Variants in CAP2 observed in about 807,000 individuals in gnomAD.
The protein encoded by CAP2 is adenylyl cyclase-associated protein 2.
A neutral mutation model predicts 57.7 loss-of-function variants in CAP2; 24 were observed. The ratio of observed to expected loss-of-function variants is 0.42; its 90% CI spans 0.30 to 0.58. CAP2 has a LOEUF of 0.58. Among genes scored for constraint, CAP2 ranks in the 20% least tolerant of loss-of-function variants. The pLI is 0.22. For missense variants in CAP2, 501 were observed against 590.3 expected (o/e 0.85, Z 1.57); for synonymous variants, 194 against 207.2 (o/e 0.94, Z 0.55).
chr6:17,546,872 G>C (rs1050601249), intron 11 of CAP2, among the ~76,000 whole-genome samples: 9 of 152,160 alleles, frequency 5.9e-5, no homozygotes, highest in Non-Finnish European at 1.3e-4. Context: ...ATTCAATTAG[G>C]AAAAGAGGAA....
chr6:17,507,504 C>A, intron 5 of CAP2, 137 bp from the exon 6 acceptor site: 2 of 791,972 alleles, frequency 2.5e-6, no homozygotes, highest in Non-Finnish European at 2.1e-6. Flanking sequence ...GTGTTTTTAT[C>A]AACCTTTACA....
chr6:17,500,133 C>T lies in CAP2; in HGVS notation c.301-7036C>T, dbSNP rs543556016. Among the ~76,000 whole-genome samples, 89 of 150,218 alleles carry T rather than the reference C, an allele frequency of 5.9e-4. 1 individual carries two copies. Among genetic ancestry groups the T allele is most frequent in the African/African-American group, 1.9e-3 (80 of 41,154 alleles). On this transcript the variant is annotated intron_variant, in intron 4 of 12. Transcript: ENST00000229922. ...TCTCCATGGACGTATTCTGAAATCT[C>T]CAAAATGTTCCTGGACAGTAAAAAA...
intron 3 of CAP2, among the ~76,000 whole-genome samples, chr6:17,435,985 G>A (rs1759870037): frequency 1.3e-5 from 2 of 152,146 alleles, no homozygotes; most frequent in South Asian, 4.1e-4. Flanking sequence ...CAGGGTCCTG[G>A]AAGGATACTC....
rs186958520 is a variant in CAP2, at chr6:17,543,394, G to T, written c.1209+251G>T. Among the ~76,000 whole-genome samples the T allele has an allele frequency of 4.6e-5, 7 of 152,172 alleles. No homozygotes were observed. In the East Asian group the frequency reaches 1.2e-3, roughly 25 times the overall value. ...GCACTTTGGGAGGCCGAGGTGGGCG[G>T]ATCACGAGGTCAGGAGATTGAGACC... is the stretch of plus-strand genomic sequence containing the variant. On this transcript the variant is annotated intron_variant, in intron 11 of 12. Transcript: ENST00000229922.
chr6:17,467,768 C>A (rs1386164710), intron 4 of CAP2, among the ~76,000 whole-genome samples: 2 of 152,152 alleles, frequency 1.3e-5, no homozygotes, highest in African/African-American at 4.8e-5. Flanking sequence ...CGTGATCCGC[C>A]CGCCTCGGCC....
chr6:17,529,544 G>A (rs1401428148), intron 7 of CAP2, among the ~76,000 whole-genome samples: 1 of 151,632 alleles, frequency 6.6e-6, no homozygotes, highest in Non-Finnish European at 1.5e-5. Flanking sequence ...AGGAGGCTGA[G>A]GCAGGAGAAT....
chr6:17,401,987 T>C (rs1277848828), intron 1 of CAP2, among the ~76,000 whole-genome samples: 2 of 152,184 alleles, frequency 1.3e-5, no homozygotes, highest in Non-Finnish European at 2.9e-5. Flanking sequence ...CTATATAATA[T>C]ATAATTGGGG....
chr6:17,549,440 G>A (rs1763122137), intron 11 of CAP2, among the ~76,000 whole-genome samples: 1 of 151,690 alleles, frequency 6.6e-6, no homozygotes, highest in African/African-American at 2.4e-5. Flanking sequence ...CTCCAGCCTG[G>A]GCAACAAGAG....
chr6:17,454,910 A>C (rs915045178), intron 3 of CAP2, among the ~76,000 whole-genome samples: 5 of 152,062 alleles, frequency 3.3e-5, no homozygotes, highest in African/African-American at 1.2e-4. Flanking sequence ...TTTTTTCTAG[A>C]CATTCATCCC....
At chr6:17,425,966 G>A (rs745408419) in intron 2 of CAP2, among the ~76,000 whole-genome samples, 7 of 151,796 alleles carry the variant, frequency 4.6e-5, no homozygotes, top group Non-Finnish European at 1.0e-4. Flanking sequence ...ACGGTGGCAC[G>A]CATCTATGGC....
At chr6:17,551,434 T>C (rs113536756) in intron 11 of CAP2, 30 bp from the exon 12 acceptor site, 14 of 1,555,698 alleles carry the variant, frequency 9.0e-6, no homozygotes, top group Non-Finnish European at 1.2e-5. Flanking sequence ...GTTTCTTTGC[T>C]TTGGTCCCAG....
intron 12 of CAP2, among the ~76,000 whole-genome samples, chr6:17,554,482 T>G (rs1278814018): frequency 2.6e-5 from 4 of 152,228 alleles, no homozygotes; most frequent in Admixed American, 1.3e-4. Context: ...GGTCCCGAAC[T>G]TCTGGGCTCA....
At chr6:17,499,058 G>GA (rs953711888) in intron 4 of CAP2, among the ~76,000 whole-genome samples, 73 of 146,374 alleles carry the variant, frequency 5.0e-4, no homozygotes, top group East Asian at 1.6e-3. Flanking sequence ...AACTATTACT[G>GA]AAAAAAAAAA....
intron 7 of CAP2, among the ~76,000 whole-genome samples, chr6:17,521,301 C>T (rs1385005711): frequency 1.3e-5 from 2 of 152,072 alleles, no homozygotes; most frequent in Non-Finnish European, 2.9e-5. Context: ...TGCCTGTAGT[C>T]CCAGCTACCG....
chr6:17,471,645 A>C (rs1043594013), intron 4 of CAP2, among the ~76,000 whole-genome samples: 17 of 152,110 alleles, frequency 1.1e-4, no homozygotes, highest in African/African-American at 3.1e-4. Context: ...ATCCTGGCTA[A>C]CACAGTGAAA....
At position 17,553,107 on chromosome 6, in the gene CAP2, C is replaced by T. The variant is rs551979913; in HGVS notation, c.1350+1503C>T. ...GTCAAAAATTGGAGGGAGCCCTGGCCTTTGCAGCTGTTTAAGCAGAAGGAA... is the reference window on the plus strand; with the variant it reads ...GTCAAAAATTGGAGGGAGCCCTGGCTTTTGCAGCTGTTTAAGCAGAAGGAA... On this transcript the variant is annotated intron_variant, in intron 12 of 12. Transcript: ENST00000229922. 3.9e-5 allele frequency among the ~76,000 whole-genome samples: 6 copies of T among 152,294 alleles called. 1 individual carries two copies. The South Asian group carries it at 1.2e-3, about 32-fold the overall frequency.
Position 17,408,931 on chromosome 6 carries a change from A to C in CAP2, c.-1-12624A>C, listed in dbSNP as rs544054472. Among the ~76,000 whole-genome samples, 4 of 151,524 alleles carry C rather than the reference A, an allele frequency of 2.6e-5. No individual in the cohort carries two copies. In the East Asian group the frequency reaches 6.0e-4, roughly 23 times the overall value. Reference sequence around the variant, plus strand: ...TGATCCGCCAGCCTCGGCCTCCCCAAGTGCTGGGATTACAGGCGTGAGCAA... The same window carrying C: ...TGATCCGCCAGCCTCGGCCTCCCCACGTGCTGGGATTACAGGCGTGAGCAA... On this transcript the variant is annotated intron_variant, in intron 1 of 12. Coordinates refer to ENST00000229922, the MANE Select transcript of CAP2 (RefSeq NM_006366.3).
chr6:17,483,120 G>A (rs966325239), intron 4 of CAP2, among the ~76,000 whole-genome samples: 2 of 152,198 alleles, frequency 1.3e-5, no homozygotes, highest in African/African-American at 4.8e-5. Context: ...TTGCAAAAGT[G>A]TGTTTTCATA....
At chr6:17,544,567 T>G (rs1581611471) in intron 11 of CAP2, among the ~76,000 whole-genome samples, 1 of 150,436 alleles carries the variant, frequency 6.6e-6, no homozygotes, top group African/African-American at 2.4e-5. Flanking sequence ...TGAGACAGAG[T>G]CTCGCTCTGT....
Sources: gnomAD v4.1 joint callset for allele counts (sites outside exome capture counted in the v4.1 genomes callset) on GRCh38, gnomAD v4.1.1 for gene constraint, MANE v1.5 for transcripts, NCBI Gene and HGNC (gene_info 2026-07-23, HGNC 2026-07-21) for gene names.